The following EIF3E variants were observed in gnomAD, a reference collection of about 807,000 sequenced individuals.
EIF3E encodes eIF-3 p48.
A neutral mutation model predicts 59.3 loss-of-function variants in EIF3E; 25 were observed. The observed-to-expected ratio is 0.42, with a 90% CI of 0.31 to 0.59. EIF3E has a LOEUF of 0.59. Among genes scored for constraint, EIF3E ranks in the 20% least tolerant of loss-of-function variants. The pLI is 0.15. For synonymous variants in EIF3E, 176 were observed against 170.2 expected (o/e 1.03, Z -0.26); for missense variants, 317 against 534.3 (o/e 0.59, Z 4.01).
intron 8 of EIF3E, among the ~76,000 whole-genome samples, chr8:108,216,991 T>C (rs529269615): frequency 6.6e-6 from 1 of 152,178 alleles, no homozygotes; most frequent in Non-Finnish European, 1.5e-5. Flanking sequence ...GTATTGTATA[T>C]AAAGTTCACC....
At chr8:108,232,522 T>A (rs975460809) in intron 5 of EIF3E, among the ~76,000 whole-genome samples, 7 of 152,048 alleles carry the variant, frequency 4.6e-5, no homozygotes, top group Non-Finnish European at 1.0e-4. Context: ...CGTCATATTT[T>A]AAAAAAATAA....
At chr8:108,232,050 C>T (rs998775581) in intron 5 of EIF3E, 1 of 151,954 alleles carries the variant, frequency 6.6e-6, no homozygotes, top group Non-Finnish European at 1.5e-5. Flanking sequence ...AAGGCCACTG[C>T]AAAAAATAAA....
At chr8:108,215,436 G>A (rs1371132137) in intron 9 of EIF3E, among the ~76,000 whole-genome samples, 2 of 151,990 alleles carry the variant, frequency 1.3e-5, no homozygotes, top group Non-Finnish European at 2.9e-5. Context: ...GGCTAACATG[G>A]TGAAACCCTG....
At chr8:108,242,737 TAA>T in intron 1 of EIF3E, 7 of 952,182 alleles carry the variant, frequency 7.4e-6, no homozygotes, top group Non-Finnish European at 8.9e-6. Flanking sequence ...TTGAAATGGC[TAA>T]AAGATAGGCA....
intron 4 of EIF3E, 48 bp from the exon 5 acceptor site, chr8:108,235,150 A>G: frequency 8.2e-7 from 1 of 1,213,650 alleles, no homozygotes; most frequent in Non-Finnish European, 1.1e-6. Flanking sequence ...TAGAGTTTTA[A>G]AACCCCATTG....
chr8:108,243,638 G>GAAAA (rs779684560), intron 1 of EIF3E, among the ~76,000 whole-genome samples: 85 of 70,974 alleles, frequency 1.2e-3, no homozygotes, highest in African/African-American at 2.1e-3. Context: ...CAAAAAAAAA[G>GAAAA]AAAAAAAAAA....
At chr8:108,224,179 G>A (rs1054119939) in intron 7 of EIF3E, among the ~76,000 whole-genome samples, 3 of 151,190 alleles carry the variant, frequency 2.0e-5, no homozygotes, top group African/African-American at 4.9e-5. Flanking sequence ...CCGAGATTGC[G>A]CCACTGCACT....
chr8:108,241,752 C>A (rs2129925053), intron 2 of EIF3E, 47 bp downstream of exon 2: 1 of 1,162,318 alleles, frequency 8.6e-7, no homozygotes, highest in Non-Finnish European at 1.2e-6. Flanking sequence ...TTAATACACA[C>A]ATCCTCAAGT....
At chr8:108,234,958 G>GAAA in intron 5 of EIF3E, 40 bp downstream of exon 5, 2 of 706,078 alleles carry the variant, frequency 2.8e-6, no homozygotes, top group Non-Finnish European at 3.5e-6. Flanking sequence ...TCCTACAAAA[G>GAAA]ACAAAAAAAA....
In EIF3E at chr8:108,229,145, GGC is replaced by G; in HGVS notation, c.520_521del (p.Ala174LeufsTer2). 3 of 1,613,414 alleles carry G rather than the reference GGC, an allele frequency of 1.9e-6. No individual in the cohort carries two copies. Among genetic ancestry groups the G allele is most frequent in the Non-Finnish European group, 2.5e-6 (3 of 1,179,656 alleles). On this transcript the variant is annotated frameshift_variant, in exon 6 of 13. Transcript: ENST00000220849. LOFTEE classifies it high-confidence loss of function. The stretch of plus-strand genomic sequence containing the variant: ...CCCAATTCTGCATTAAGATTTCAGA[GGC>G]CAGCTTTCCCCAGAGTGAACTTAAA... ...NALSSLWGKL[A>X]SEILMQNWDA...
chr8:108,222,204 A>T lies in EIF3E; in HGVS notation c.723-4744T>A, dbSNP rs371947654. Reference sequence around the variant, plus strand: ...GCCACAGGAGTGAATCACAATGCCCAGCTAATTTCTAAAAAAATGTTTTAG... The same window carrying T: ...GCCACAGGAGTGAATCACAATGCCCTGCTAATTTCTAAAAAAATGTTTTAG... On this transcript the variant is annotated intron_variant, in intron 7 of 12. Transcript: ENST00000220849. 1.4e-4 allele frequency among the ~76,000 whole-genome samples: 22 copies of T among 152,224 alleles called. 1 individual carries two copies. Among genetic ancestry groups the T allele is most frequent in the African/African-American group, 4.3e-4 (18 of 41,548 alleles).
chr8:108,215,792 A>T (rs1399035489), intron 9 of EIF3E, among the ~76,000 whole-genome samples: 1 of 152,224 alleles, frequency 6.6e-6, no homozygotes, highest in Non-Finnish European at 1.5e-5. Context: ...TACATTTAGC[A>T]GTTAGAATTC....
intron 5 of EIF3E, 138 bp downstream of exon 5, chr8:108,234,860 T>C: frequency 2.2e-6 from 1 of 454,328 alleles, no homozygotes; most frequent in East Asian, 3.7e-5. Flanking sequence ...GGGTTTTCTT[T>C]ACTTTTTTCT....
At chr8:108,248,058 T>A (rs1815982217) in intron 1 of EIF3E, among the ~76,000 whole-genome samples, 1 of 151,512 alleles carries the variant, frequency 6.6e-6, no homozygotes, top group African/African-American at 2.4e-5. Context: ...CGTCCCCATC[T>A]GACGAAATAT....
chr8:108,216,349 T>A, intron 9 of EIF3E, 63 bp downstream of exon 9: 1 of 1,219,778 alleles, frequency 8.2e-7, no homozygotes, highest in East Asian at 2.5e-5. Flanking sequence ...ACTGCAAGAT[T>A]AACGTTACAA....
chr8:108,235,565 C>A (rs1052322227), intron 4 of EIF3E, among the ~76,000 whole-genome samples: 1 of 152,168 alleles, frequency 6.6e-6, no homozygotes, highest in Non-Finnish European at 1.5e-5. Flanking sequence ...CGGTACTGGT[C>A]CATGACCTGG....
In EIF3E at chr8:108,241,783, T is replaced by C; in HGVS notation, c.205+16A>G. ...CAAGTCACAAGACAAGTTTCAGTTC[T>C]AATGACAAAACTTACCATGAGGAAT... On this transcript the variant is annotated intron_variant, in intron 2 of 12. Coordinates refer to ENST00000220849, the MANE Select transcript of EIF3E (RefSeq NM_001568.3). 6.7e-7 allele frequency: 1 copy of C among 1,484,438 alleles called. No homozygotes were observed. Among genetic ancestry groups the C allele is most frequent in the Non-Finnish European group, 9.1e-7 (1 of 1,097,740 alleles). 92.0% of individuals were successfully genotyped at this position (1,484,438 alleles called of 1,614,324 possible).
intron 7 of EIF3E, chr8:108,228,041 G>A (rs1049050910): frequency 2.0e-5 from 7 of 355,104 alleles, no homozygotes; most frequent in Non-Finnish European, 3.5e-5. Flanking sequence ...CTGGCCCAGG[G>A]ACCACACTTT....
chr8:108,242,267 C>G, intron 1 of EIF3E: 3 of 1,292,310 alleles, frequency 2.3e-6, no homozygotes, highest in Non-Finnish European at 2.0e-6. Context: ...CTGTAAAGCA[C>G]ATATAGCTGT....
Sources: allele counts gnomAD v4.1 joint callset (sites outside exome capture counted in the v4.1 genomes callset), GRCh38; gene constraint gnomAD v4.1.1; transcripts MANE v1.5; gene names NCBI Gene and HGNC (gene_info 2026-07-23, HGNC 2026-07-21).